CNTNAP2: variants seen among roughly 807,000 people sequenced by gnomAD.
CNTNAP2 encodes contactin associated protein 2.
A neutral mutation model predicts 155.2 loss-of-function variants in CNTNAP2; 98 were observed. The observed-to-expected ratio is 0.63, with a 90% CI of 0.54 to 0.75. The LOEUF is 0.75. Ranked by LOEUF, CNTNAP2 falls within the 30% of genes least tolerant of loss-of-function variation. CNTNAP2 has a pLI of 0.00. For missense variants in CNTNAP2, 1,727 were observed against 1,688.1 expected, an observed-to-expected ratio of 1.02 and a Z score of -0.40; for synonymous variants, 651 against 631.2, an observed-to-expected ratio of 1.03 and a Z score of -0.47.
intron 15 of CNTNAP2, among the ~76,000 whole-genome samples, chr7:148,103,646 A>G (rs1187741826): frequency 1.3e-5 from 2 of 151,690 alleles, no homozygotes; most frequent in Non-Finnish European, 2.9e-5. Flanking sequence ...TCACACTAAA[A>G]ACAGCAACAA....
chr7:146,457,481 AATATATATATATATAT>A (rs200909725), intron 1 of CNTNAP2, among the ~76,000 whole-genome samples: 1,423 of 86,902 alleles, frequency 0.016, 21 homozygotes, highest in Admixed American at 0.036. Context: ...TTCAAAAATG[AATATATATATATATAT>A]ATATATATAT....
chr7:147,527,586 A>G (rs1799350795), intron 11 of CNTNAP2, among the ~76,000 whole-genome samples: 1 of 152,182 alleles, frequency 6.6e-6, no homozygotes, highest in African/African-American at 2.4e-5. Context: ...TGTCAAAATA[A>G]TAGTTAGTTT....
At chr7:147,468,210 C>T (rs1798153904) in intron 10 of CNTNAP2, among the ~76,000 whole-genome samples, 1 of 151,988 alleles carries the variant, frequency 6.6e-6, no homozygotes, top group South Asian at 2.1e-4. Flanking sequence ...ATTGCTTGAC[C>T]CTAGGAGTGT....
At chr7:148,181,014 G>A (rs1795029588) in intron 18 of CNTNAP2, among the ~76,000 whole-genome samples, 1 of 152,188 alleles carries the variant, frequency 6.6e-6, no homozygotes, top group African/African-American at 2.4e-5. Flanking sequence ...CTAGAGATGA[G>A]ATATACTGTT....
chr7:146,647,035 G>C (rs1799823712), intron 1 of CNTNAP2, among the ~76,000 whole-genome samples: 1 of 152,190 alleles, frequency 6.6e-6, no homozygotes. Flanking sequence ...AAGAGGACAG[G>C]GACTCCCGGC....
rs545368536 is a variant in CNTNAP2 at position 148,275,386 on chromosome 7, C to A, written c.3475+8260C>A. On this transcript the variant is annotated intron_variant, in intron 21 of 23. Transcript: ENST00000361727. ...AGGAAGTAACACAGAAGCTGGGACC[C>A]TAATGAAGAGTTAGAATGATCTGGG... Among the ~76,000 whole-genome samples the A allele has an allele frequency of 4.6e-5, 7 of 152,180 alleles. No homozygotes were observed. The South Asian group carries it at 1.5e-3, about 32-fold the overall frequency.
At chr7:148,062,478 A>G (rs1168348628) in intron 15 of CNTNAP2, among the ~76,000 whole-genome samples, 2 of 152,166 alleles carry the variant, frequency 1.3e-5, no homozygotes, top group African/African-American at 4.8e-5. Context: ...AGAACTGATC[A>G]TTTAGGCACA....
chr7:148,015,934 A>C (rs937069134), intron 15 of CNTNAP2, among the ~76,000 whole-genome samples: 1 of 152,156 alleles, frequency 6.6e-6, no homozygotes, highest in Non-Finnish European at 1.5e-5. Flanking sequence ...CAATTCACCA[A>C]CTCCCTTTAT....
intron 1 of CNTNAP2, among the ~76,000 whole-genome samples, chr7:146,383,739 C>T (rs111494047): frequency 1.3e-5 from 2 of 151,912 alleles, no homozygotes; most frequent in Non-Finnish European, 2.9e-5. Flanking sequence ...AAATTCTGAC[C>T]ATAGACATTT....
intron 3 of CNTNAP2, among the ~76,000 whole-genome samples, chr7:146,886,144 A>G (rs2129210463): frequency 6.6e-6 from 1 of 152,088 alleles, no homozygotes; most frequent in Admixed American, 6.6e-5. Flanking sequence ...ATTTTAAAAG[A>G]GCATCTGAAG....
At chr7:148,180,941 T>C (rs1400830946) in intron 18 of CNTNAP2, among the ~76,000 whole-genome samples, 1 of 152,176 alleles carries the variant, frequency 6.6e-6, no homozygotes, top group Admixed American at 6.5e-5. Flanking sequence ...GAAGGCATTA[T>C]CCTGTCTGCT....
At position 148,361,110 on chromosome 7, in the gene CNTNAP2, G is replaced by C. The variant is rs1798611090; in HGVS notation, c.3476-22539G>C. Among the ~76,000 whole-genome samples the C allele has an allele frequency of 3.3e-5, 5 of 152,256 alleles. 1 individual carries two copies. The South Asian group carries it at 1.0e-3, about 32-fold the overall frequency. ...GGCATGAGCCACCATGCCCAGCCTAGAGTTGTTTTAATTTTCTATATCGGG... is the reference window on the plus strand; with the variant it reads ...GGCATGAGCCACCATGCCCAGCCTACAGTTGTTTTAATTTTCTATATCGGG... On this transcript the variant is annotated intron_variant, in intron 21 of 23. Transcript: ENST00000361727.
chr7:147,024,149 A>G (rs1200300943), intron 3 of CNTNAP2, among the ~76,000 whole-genome samples: 1 of 152,192 alleles, frequency 6.6e-6, no homozygotes, highest in African/African-American at 2.4e-5. Context: ...TAAAAAATGG[A>G]CACTATAGTG....
At chr7:146,568,636 T>C (rs190490465) in intron 1 of CNTNAP2, among the ~76,000 whole-genome samples, 4 of 152,322 alleles carry the variant, frequency 2.6e-5, no homozygotes, top group African/African-American at 9.6e-5. Context: ...GATTCTTGAT[T>C]CAAAAAATCA....
At chr7:147,566,840 T>C (rs1198206964) in intron 12 of CNTNAP2, among the ~76,000 whole-genome samples, 1 of 152,130 alleles carries the variant, frequency 6.6e-6, no homozygotes, top group Non-Finnish European at 1.5e-5. Flanking sequence ...TGTTAAAATA[T>C]TTAATAAGTG....
At chr7:146,906,625 G>A (rs953355538) in intron 3 of CNTNAP2, among the ~76,000 whole-genome samples, 2 of 151,918 alleles carry the variant, frequency 1.3e-5, no homozygotes, top group Non-Finnish European at 2.9e-5. Flanking sequence ...CAAATAGAAA[G>A]GACATCCACA....
intron 15 of CNTNAP2, among the ~76,000 whole-genome samples, chr7:148,100,350 T>A (rs552492666): frequency 1.3e-5 from 2 of 152,364 alleles, no homozygotes; most frequent in South Asian, 4.1e-4. Flanking sequence ...CCATTAAAGC[T>A]GTGTGTGAAG....
chr7:146,172,561 A>G (rs899391914), intron 1 of CNTNAP2, among the ~76,000 whole-genome samples: 1 of 152,010 alleles, frequency 6.6e-6, no homozygotes, highest in Non-Finnish European at 1.5e-5. Context: ...TCTCAGATTA[A>G]TGATTCTGAC....
rs148294147 is a variant in CNTNAP2, at chr7:147,638,325, T to C, written c.1898-781T>C. Among the ~76,000 whole-genome samples the C allele has an allele frequency of 1.3e-3, 196 of 152,300 alleles. 1 individual carries two copies. Among genetic ancestry groups the C allele is most frequent in the African/African-American group, 4.5e-3 (186 of 41,568 alleles). On this transcript the variant is annotated intron_variant, in intron 12 of 23. Coordinates refer to ENST00000361727, the MANE Select transcript of CNTNAP2 (RefSeq NM_014141.6). ...AGGAAATGGTATTTAGTGATCACAG[T>C]CTGGTGCACGAGGTCAGTCCTTGTG...
Sources: allele counts gnomAD v4.1 joint callset (sites outside exome capture counted in the v4.1 genomes callset), GRCh38; gene constraint gnomAD v4.1.1; transcripts MANE v1.5; gene names NCBI Gene and HGNC (gene_info 2026-07-23, HGNC 2026-07-21).